Variants in LOXHD1 observed in about 807,000 individuals in gnomAD.
LOXHD1 encodes lipoxygenase homology PLAT domains 1.
A neutral mutation model predicts 248.2 loss-of-function variants in LOXHD1; 205 were observed. That is an observed-to-expected ratio of 0.83 (90% CI 0.74 to 0.93). The LOEUF is 0.93. LOXHD1 is among the 40% of genes least tolerant of loss of function. LOXHD1 has a pLI of 0.00. For missense variants in LOXHD1, 2,930 were observed against 2,971.6 expected, an observed-to-expected ratio of 0.99 and a Z score of 0.33; for synonymous variants, 1,113 against 1,162.8, an observed-to-expected ratio of 0.96 and a Z score of 0.87.
At position 46,593,665 on chromosome 18, in the gene LOXHD1, T is replaced by C. The variant is rs1410332637; in HGVS notation, c.1366A>G (p.Thr456Ala). 1.9e-6 allele frequency: 3 copies of C among 1,552,338 alleles called. No individual in the cohort carries two copies. The highest frequency in any genetic ancestry group is 2.4e-5 in the South Asian group (2 of 84,060). Residue 456 changes from threonine (T) to alanine (A), a missense_variant, in exon 10 of 41, where the codon ACA becomes GCA. Physicochemically the swap from Thr to Ala is moderately conservative, Grantham distance 58 (BLOSUM62 0). Transcript: ENST00000642948. ...FIQIYGQKGRTDEILLNPNNK... is the reference protein window; with the variant it reads ...FIQIYGQKGRADEILLNPNNK... The stretch of plus-strand genomic sequence containing the variant: ...TTGGGATTCAGGAGAATCTCATCTG[T>C]CCGCCCCTTCTGCCCATAAATCTGG...
intron 40 of LOXHD1, among the ~76,000 whole-genome samples, chr18:46,483,380 T>A (rs1243464968): frequency 6.6e-6 from 1 of 152,208 alleles, no homozygotes. Flanking sequence ...CCTACTCCCC[T>A]GCCTCTGATA....
At chr18:46,565,492 G>C (rs1419698795) in intron 17 of LOXHD1, among the ~76,000 whole-genome samples, 1 of 152,118 alleles carries the variant, frequency 6.6e-6, no homozygotes, top group African/African-American at 2.4e-5. Flanking sequence ...TGTTCGTTTT[G>C]CTCACAGCTG....
At chr18:46,631,738 G>T (rs1003894646) in intron 4 of LOXHD1, among the ~76,000 whole-genome samples, 5 of 152,200 alleles carry the variant, frequency 3.3e-5, no homozygotes, top group Admixed American at 6.5e-5. Context: ...AATAGGGCAG[G>T]CCCCGGGGCT....
intron 33 of LOXHD1, chr18:46,518,738 C>T (rs368578831): frequency 2.1e-4 from 62 of 293,998 alleles, no homozygotes; most frequent in African/African-American, 1.0e-3. Flanking sequence ...GCTGACAATT[C>T]GCATGGCACC....
chr18:46,609,639 C>T (rs1186717618), intron 6 of LOXHD1, among the ~76,000 whole-genome samples: 1 of 152,188 alleles, frequency 6.6e-6, no homozygotes, highest in Non-Finnish European at 1.5e-5. Flanking sequence ...AGGCCGGTTG[C>T]CTGTTTTCTA....
At chr18:46,511,496 G>A (rs991230989) in intron 34 of LOXHD1, among the ~76,000 whole-genome samples, 5 of 152,160 alleles carry the variant, frequency 3.3e-5, no homozygotes, top group Admixed American at 6.5e-5. Flanking sequence ...TCCTATTCTG[G>A]TTTCCTTCTG....
At chr18:46,555,759 T>C (rs1465108644) in intron 21 of LOXHD1, among the ~76,000 whole-genome samples, 46 of 152,076 alleles carry the variant, frequency 3.0e-4, no homozygotes, top group Non-Finnish European at 1.5e-5. Context: ...TGAGGCCTAA[T>C]GAAAACACGT....
chr18:46,639,215 C>G (rs1402011995), intron 4 of LOXHD1, among the ~76,000 whole-genome samples: 1 of 152,186 alleles, frequency 6.6e-6, no homozygotes, highest in South Asian at 2.1e-4. Context: ...CCCACTATGC[C>G]TTGGCTGTAA....
chr18:46,486,202 G>C (rs905078750), intron 38 of LOXHD1, among the ~76,000 whole-genome samples: 1 of 152,148 alleles, frequency 6.6e-6, no homozygotes, highest in Non-Finnish European at 1.5e-5. Flanking sequence ...TCTGGCTCAA[G>C]TGTCCCCAGA....
chr18:46,517,998 C>A, intron 34 of LOXHD1, 131 bp downstream of exon 34: 2 of 1,158,646 alleles, frequency 1.7e-6, no homozygotes, highest in Admixed American at 4.1e-5. Flanking sequence ...ACAGAATAGA[C>A]AAAGGCAGAG....
chr18:46,564,616 T>C (rs948600911), intron 17 of LOXHD1, among the ~76,000 whole-genome samples: 1 of 147,096 alleles, frequency 6.8e-6, no homozygotes, highest in Non-Finnish European at 1.5e-5. Context: ...AGTAAGGTTG[T>C]TGGCATTGAA....
chr18:46,539,777 C>T (rs1368087805), intron 25 of LOXHD1, among the ~76,000 whole-genome samples: 1 of 151,700 alleles, frequency 6.6e-6, no homozygotes, highest in Non-Finnish European at 1.5e-5. Flanking sequence ...TGCTCTGGGT[C>T]ACAGTAACTA....
chr18:46,551,237 G>T (rs900915404), intron 21 of LOXHD1, among the ~76,000 whole-genome samples: 4 of 151,818 alleles, frequency 2.6e-5, no homozygotes, highest in African/African-American at 9.7e-5. Flanking sequence ...CAAGCAGCTG[G>T]GTCTACAGGC....
intron 12 of LOXHD1, among the ~76,000 whole-genome samples, chr18:46,591,066 G>T (rs780006367): frequency 6.6e-6 from 1 of 152,162 alleles, no homozygotes; most frequent in African/African-American, 2.4e-5. Flanking sequence ...TCTACTGGGT[G>T]TGCAAATGCA....
chr18:46,502,793 C>A (rs1186106570), intron 37 of LOXHD1, among the ~76,000 whole-genome samples: 1 of 152,158 alleles, frequency 6.6e-6, no homozygotes, highest in Non-Finnish European at 1.5e-5. Context: ...AAAGTTGGGT[C>A]ATCATAGTCT....
In LOXHD1 at chr18:46,542,786, G is replaced by A. The variant is rs546426989; in HGVS notation, c.3689C>T (p.Thr1230Met). 8.6e-5 allele frequency: 134 copies of A among 1,551,690 alleles called. No homozygotes were observed. The highest frequency in any genetic ancestry group is 2.4e-4 in the Admixed American group (12 of 51,004). ...GTCTCCCAGATCCAGCGTCTCCACC[G>A]TGAAGATTTCAATGCTGTCCCTCTC... ...KFERDSIEIFTVETLDLGDLW... is the reference protein window; with the variant it reads ...KFERDSIEIFMVETLDLGDLW... Residue 1230 changes from threonine (T) to methionine (M), a missense_variant, in exon 24 of 41, where the codon ACG becomes ATG. Thr to Met is a moderately conservative substitution (Grantham distance 81). Coordinates refer to ENST00000642948, the MANE Select transcript of LOXHD1 (RefSeq NM_001384474.1).
At chr18:46,605,964 C>A (rs1050905114) in intron 6 of LOXHD1, among the ~76,000 whole-genome samples, 1 of 152,144 alleles carries the variant, frequency 6.6e-6, no homozygotes, top group Non-Finnish European at 1.5e-5. Context: ...TCTAAAGAAT[C>A]AGAGGAGGGG....
chr18:46,489,688 A>G (rs1210917515), intron 37 of LOXHD1, among the ~76,000 whole-genome samples: 1 of 152,146 alleles, frequency 6.6e-6, no homozygotes, highest in Non-Finnish European at 1.5e-5. Context: ...CCATGCTCCT[A>G]TAGCCCCCTG....
In LOXHD1 at chr18:46,522,090, G is replaced by A; in HGVS notation, c.5085+11C>T. The A allele has an allele frequency of 3.2e-6, 5 of 1,544,486 alleles. No individual in the cohort carries two copies. Among genetic ancestry groups the A allele is most frequent in the Non-Finnish European group, 4.4e-6 (5 of 1,143,704 alleles). On this transcript the variant is annotated intron_variant, in intron 32 of 40. Transcript: ENST00000642948. ...GGTGGTCACTATCATGGGGCCCCGAGAAGCCAGCACCTCTATTTTCTTGAT... is the reference window on the plus strand; with the variant it reads ...GGTGGTCACTATCATGGGGCCCCGAAAAGCCAGCACCTCTATTTTCTTGAT...
Sources: gnomAD v4.1 joint callset for allele counts (sites outside exome capture counted in the v4.1 genomes callset) on GRCh38, gnomAD v4.1.1 for gene constraint, MANE v1.5 for transcripts, NCBI Gene and HGNC (gene_info 2026-07-23, HGNC 2026-07-21) for gene names.